MGAT4A: variants seen among roughly 807,000 people sequenced by gnomAD.
The protein encoded by MGAT4A is N-acetylglucosaminyltransferase IVa.
A neutral mutation model predicts 74.1 loss-of-function variants in MGAT4A; 33 were observed. That is an observed-to-expected ratio of 0.45 (90% confidence interval 0.34 to 0.60). The LOEUF (loss-of-function observed/expected upper bound fraction) is 0.60, where lower values mean the gene tolerates loss of function less well. Ranked by LOEUF, MGAT4A falls within the 20% of genes least tolerant of loss-of-function variation. The probability of loss-of-function intolerance (pLI) is 0.02; values close to 1 mark genes in which losing one functional copy is unlikely to be tolerated. For synonymous variants in MGAT4A, 198 were observed against 210.4 expected (o/e 0.94, Z 0.51); for missense variants, 479 against 628.3 (o/e 0.76, Z 2.54).
intron 4 of MGAT4A, among the ~76,000 whole-genome samples, chr2:98,673,350 T>C (rs1701936005): frequency 6.6e-6 from 1 of 152,172 alleles, no homozygotes; most frequent in Non-Finnish European, 1.5e-5. Context: ...TGGGGTTCCA[T>C]AAAACCCCAG....
rs903357890 is a variant in MGAT4A, at chr2:98,655,229, TC to T, written c.774+215del. 2.6e-5 allele frequency among the ~76,000 whole-genome samples: 4 copies of T among 152,032 alleles called. No homozygotes were observed. The South Asian group carries it at 6.2e-4, about 24-fold the overall frequency. ...AGGAAAAAGATAAGTGAGTTGCAGGTCCCCCGCTAAGTGGAGGGCTGGCTTC... is the reference window on the plus strand; with the variant it reads ...AGGAAAAAGATAAGTGAGTTGCAGGTCCCCGCTAAGTGGAGGGCTGGCTTC... On this transcript the variant is annotated intron_variant, in intron 8 of 15. Coordinates refer to ENST00000393487, the MANE Select transcript of MGAT4A (RefSeq NM_012214.3).
At chr2:98,708,102 G>A (rs1702464775) in intron 2 of MGAT4A, among the ~76,000 whole-genome samples, 2 of 151,754 alleles carry the variant, frequency 1.3e-5, no homozygotes, top group African/African-American at 2.4e-5. Flanking sequence ...CCTCCCCTAT[G>A]ATGCAGTCAA....
chr2:98,677,955 G>A (rs1701999784), intron 3 of MGAT4A, among the ~76,000 whole-genome samples: 1 of 151,394 alleles, frequency 6.6e-6, no homozygotes, highest in African/African-American at 2.4e-5. Context: ...TTTCAGCCGG[G>A]TGCAGTGGCT....
At chr2:98,719,379 C>G (rs942079038) in intron 2 of MGAT4A, among the ~76,000 whole-genome samples, 1 of 152,022 alleles carries the variant, frequency 6.6e-6, no homozygotes, top group African/African-American at 2.4e-5. Context: ...AAGGGGTATC[C>G]CAGGGTGAGT....
At chr2:98,702,224 G>C (rs988560945) in intron 2 of MGAT4A, among the ~76,000 whole-genome samples, 26 of 152,330 alleles carry the variant, frequency 1.7e-4, no homozygotes, top group African/African-American at 6.3e-4. Flanking sequence ...TAACAGGCGT[G>C]GGGCAGGCCT....
chr2:98,719,235 A>T (rs1468396091), intron 2 of MGAT4A, among the ~76,000 whole-genome samples: 1 of 152,234 alleles, frequency 6.6e-6, no homozygotes, highest in Non-Finnish European at 1.5e-5. Context: ...CAATTTTATC[A>T]TAGAATACAT....
intron 2 of MGAT4A, among the ~76,000 whole-genome samples, chr2:98,714,263 T>C (rs375643822): frequency 6.6e-6 from 1 of 152,110 alleles, no homozygotes; most frequent in East Asian, 1.9e-4. Flanking sequence ...TTTTTTGTAT[T>C]TTTAGTAGAG....
At chr2:98,686,038 C>T (rs910817807) in intron 2 of MGAT4A, among the ~76,000 whole-genome samples, 2 of 152,122 alleles carry the variant, frequency 1.3e-5, no homozygotes, top group Non-Finnish European at 2.9e-5. Flanking sequence ...ATGTTTAGGG[C>T]CGTAATCCTG....
chr2:98,686,578 G>A (rs1388378744), intron 2 of MGAT4A, among the ~76,000 whole-genome samples: 1 of 149,774 alleles, frequency 6.7e-6, no homozygotes, highest in Non-Finnish European at 1.5e-5. Flanking sequence ...ACAGAGTCTC[G>A]CTCTGCCACC....
chr2:98,647,117 T>C (rs1229492524), intron 8 of MGAT4A, among the ~76,000 whole-genome samples: 1 of 152,184 alleles, frequency 6.6e-6, no homozygotes, highest in Non-Finnish European at 1.5e-5. Context: ...ATTACAGAAT[T>C]AGGAAAGCAC....
intron 8 of MGAT4A, among the ~76,000 whole-genome samples, chr2:98,653,737 G>A (rs1254335911): frequency 6.6e-6 from 1 of 152,126 alleles, no homozygotes; most frequent in Non-Finnish European, 1.5e-5. Context: ...AAATTCTGCT[G>A]AACACTTAAA....
chr2:98,723,151 T>C (rs1252229556), intron 2 of MGAT4A, among the ~76,000 whole-genome samples: 1 of 152,224 alleles, frequency 6.6e-6, no homozygotes, highest in African/African-American at 2.4e-5. Flanking sequence ...CCAGCTCATG[T>C]ATTCTTTCAA....
At chr2:98,692,668 G>GATATTTAAATATAT (rs1274120624) in intron 2 of MGAT4A, among the ~76,000 whole-genome samples, 6 of 152,088 alleles carry the variant, frequency 3.9e-5, no homozygotes, top group Non-Finnish European at 8.8e-5. Flanking sequence ...AATATATTTA[G>GATATTTAAATATAT]ATACACAAAT....
chr2:98,680,993 C>G (rs929885251), intron 2 of MGAT4A, among the ~76,000 whole-genome samples: 5 of 151,012 alleles, frequency 3.3e-5, no homozygotes, highest in African/African-American at 4.9e-5. Flanking sequence ...TGTTGTTGTT[C>G]TTTTTTTGAG....
chr2:98,678,601 TG>T (rs1470183923), intron 2 of MGAT4A, 130 bp from the exon 3 acceptor site: 1 of 499,112 alleles, frequency 2.0e-6, no homozygotes, highest in Non-Finnish European at 3.1e-6. Flanking sequence ...GATACAGAAC[TG>T]AAAAAAAAAG....
At chr2:98,641,499 C>CAAAAAAAAA (rs1205460540) in intron 10 of MGAT4A, among the ~76,000 whole-genome samples, 462 of 71,366 alleles carry the variant, frequency 6.5e-3, no homozygotes, top group East Asian at 0.01. Flanking sequence ...ACTAAAAATA[C>CAAAAAAAAA]AAAAAAAAAA....
At chr2:98,726,907 T>C (rs1702773405) in intron 1 of MGAT4A, 1 of 152,330 alleles carries the variant, frequency 6.6e-6, no homozygotes, top group African/African-American at 2.4e-5. Flanking sequence ...AGTAACATAA[T>C]CTTCACTCTC....
In MGAT4A at chr2:98,621,522, A is replaced by C. The variant is rs749418912; in HGVS notation, c.*4044T>G. The C allele has an allele frequency of 9.7e-6, 15 of 1,551,636 alleles. No homozygotes were observed. In the South Asian group the frequency reaches 1.2e-4, roughly 12 times the overall value. ...AACTCTCTGCTTTTAAAGGAGTCACAAGATTTGATTAGCCACCCCCAGACA... is the reference window on the plus strand; with the variant it reads ...AACTCTCTGCTTTTAAAGGAGTCACCAGATTTGATTAGCCACCCCCAGACA... On this transcript the variant is annotated 3_prime_UTR_variant, in exon 16 of 16. Transcript: ENST00000393487.
At chr2:98,647,689 A>G (rs1559158805) in intron 8 of MGAT4A, among the ~76,000 whole-genome samples, 1 of 152,316 alleles carries the variant, frequency 6.6e-6, no homozygotes. Flanking sequence ...TGCATCATCT[A>G]TCAGTTTTCC....
Sources: allele counts gnomAD v4.1 joint callset (sites outside exome capture counted in the v4.1 genomes callset), GRCh38; gene constraint gnomAD v4.1.1; transcripts MANE v1.5; gene names NCBI Gene and HGNC (gene_info 2026-07-23, HGNC 2026-07-21).